ANO1: variants seen among roughly 807,000 people sequenced by gnomAD.
The protein encoded by ANO1 is anoctamin-1.
Under a neutral mutation model 124.0 loss-of-function variants are expected in ANO1, and 59 were observed. The observed-to-expected ratio is 0.48, with a 90% CI of 0.39 to 0.59. ANO1 has a LOEUF of 0.59. Among genes scored for constraint, ANO1 ranks in the 20% least tolerant of loss-of-function variants. The pLI is 0.00. For missense variants in ANO1, 1,059 were observed against 1,328.0 expected, an observed-to-expected ratio of 0.80 and a Z score of 3.15; for synonymous variants, 529 against 532.0, an observed-to-expected ratio of 0.99 and a Z score of 0.08.
chr11:70,085,734 A>C, intron 1 of ANO1: 1 of 1,420,112 alleles, frequency 7.0e-7, no homozygotes, highest in Non-Finnish European at 9.2e-7. Context: ...CTACAACTAA[A>C]AAGGACAGCC....
intron 1 of ANO1, among the ~76,000 whole-genome samples, chr11:70,047,224 A>C (rs892332606): frequency 2.6e-5 from 4 of 152,176 alleles, no homozygotes; most frequent in African/African-American, 9.6e-5. Flanking sequence ...GGATTGGTTC[A>C]TTAATTGTAA....
At chr11:70,155,059 T>A (rs1440881000) in intron 14 of ANO1, among the ~76,000 whole-genome samples, 3 of 152,252 alleles carry the variant, frequency 2.0e-5, no homozygotes, top group Admixed American at 1.3e-4. Context: ...TGAAGATGTC[T>A]CAGGAGTCAG....
chr11:70,152,737 C>T (rs1018942522), intron 13 of ANO1, among the ~76,000 whole-genome samples: 4 of 152,352 alleles, frequency 2.6e-5, no homozygotes, highest in East Asian at 1.9e-4. Flanking sequence ...ACAGCTCCCC[C>T]GTAGAATGTT....
At chr11:70,156,055 T>C (rs2047803968) in intron 15 of ANO1, 67 bp downstream of exon 15, 1 of 1,376,992 alleles carries the variant, frequency 7.3e-7, no homozygotes. Context: ...CGATTGTGTT[T>C]TTCCTCAACA....
intron 1 of ANO1, among the ~76,000 whole-genome samples, chr11:70,050,451 G>A (rs1225842863): frequency 6.6e-6 from 1 of 152,134 alleles, no homozygotes; most frequent in African/African-American, 2.4e-5. Context: ...TCCCCAGGCA[G>A]CTCCCAAGCC....
intron 11 of ANO1, among the ~76,000 whole-genome samples, chr11:70,133,601 C>T (rs112538012): frequency 9.8e-5 from 15 of 152,318 alleles, no homozygotes; most frequent in African/African-American, 3.1e-4. Flanking sequence ...TCTCCAGGCC[C>T]GAGCCCTGTC....
At position 70,038,029 on chromosome 11, in the gene ANO1, G is replaced by A. The variant is rs149787863; in HGVS notation, c.59-40513G>A. ...TGGCCAGTCGCAGTGGCTCATGCCT[G>A]TAATTCCAGCACTTTGGGAGGCTGA... is the stretch of plus-strand genomic sequence containing the variant. On this transcript the variant is annotated intron_variant, in intron 1 of 27. Coordinates refer to the ANO1 transcript ENST00000531349. Among the ~76,000 whole-genome samples the A allele has an allele frequency of 5.4e-3, 818 of 152,318 alleles. 7 individuals carry two copies. The highest frequency in any genetic ancestry group is 0.019 in the African/African-American group (777 of 41,578).
chr11:70,106,521 A>G (rs1193385994), intron 5 of ANO1, among the ~76,000 whole-genome samples: 1 of 152,140 alleles, frequency 6.6e-6, no homozygotes, highest in East Asian at 1.9e-4. Context: ...TGAGACTGGC[A>G]GGCAGCCAGC....
At chr11:70,167,827 A>G (rs985389523) in intron 21 of ANO1, among the ~76,000 whole-genome samples, 1 of 152,058 alleles carries the variant, frequency 6.6e-6, no homozygotes, top group Non-Finnish European at 1.5e-5. Flanking sequence ...AAGCTGCAAG[A>G]TCGTCCTTAC....
chr11:70,149,508 G>C, intron 11 of ANO1: 4 of 541,366 alleles, frequency 7.4e-6, no homozygotes, highest in Non-Finnish European at 1.3e-5. Flanking sequence ...AAGATTAGCT[G>C]GGTGTGGTGG....
intron 1 of ANO1, among the ~76,000 whole-genome samples, chr11:69,987,296 C>T (rs1439631004): frequency 6.6e-6 from 1 of 152,226 alleles, no homozygotes; most frequent in Non-Finnish European, 1.5e-5. Flanking sequence ...ATGATCCGTT[C>T]TGTGATCCAC....
chr11:69,967,917 G>T, the ANO1 span, among the ~76,000 whole-genome samples: 1 of 152,192 alleles, frequency 6.6e-6, no homozygotes. Context: ...TTGGATGAGA[G>T]ATTCCATTTT....
chr11:70,113,397 G>A (rs1040473569), intron 7 of ANO1, among the ~76,000 whole-genome samples: 7 of 152,160 alleles, frequency 4.6e-5, no homozygotes, highest in African/African-American at 1.7e-4. Flanking sequence ...AGGTTTCAAG[G>A]GCAGAGTTCA....
intron 1 of ANO1, among the ~76,000 whole-genome samples, chr11:70,017,004 C>T (rs1555002043): frequency 1.3e-5 from 2 of 152,224 alleles, no homozygotes; most frequent in Admixed American, 6.5e-5. Context: ...GTCTTTCTTC[C>T]CCTCTAGAAT....
chr11:70,026,563 G>T (rs1856912059), intron 1 of ANO1, among the ~76,000 whole-genome samples: 1 of 151,816 alleles, frequency 6.6e-6, no homozygotes, highest in African/African-American at 2.4e-5. Context: ...CAATAATGAT[G>T]ATGACAACAG....
intron 12 of ANO1, 156 bp downstream of exon 12, chr11:70,149,948 C>T: frequency 2.7e-6 from 2 of 752,528 alleles, no homozygotes; most frequent in Non-Finnish European, 2.3e-6. Context: ...CTGCCTGCCT[C>T]GCCACTCAAC....
At chr11:69,985,712 G>A (rs572479710), upstream of ANO1, among the ~76,000 whole-genome samples, 3 of 152,170 alleles carry the variant, frequency 2.0e-5, no homozygotes, top group African/African-American at 2.4e-5. Flanking sequence ...GACGCGCCCC[G>A]CGCAGCGGGA....
intron 1 of ANO1, among the ~76,000 whole-genome samples, chr11:70,054,258 A>C (rs1322123937): frequency 1.3e-5 from 2 of 152,160 alleles, no homozygotes; most frequent in African/African-American, 4.8e-5. Context: ...CTAGATGTTA[A>C]TGGACCCCAG....
In ANO1 at chr11:70,155,974, G is replaced by A; in HGVS notation, c.1489G>A (p.Ala497Thr). Residue 497 changes from alanine (A) to threonine (T), a missense_variant, in exon 15 of 26, where the codon GCG becomes ACG. Ala to Thr is a moderately conservative substitution (Grantham distance 58). Coordinates refer to ENST00000355303, the MANE Select transcript of ANO1 (RefSeq NM_018043.7). ...GAAGCAGAGGGTTAAGACAGCCATGGCGGGGGTGAAATTGGTACTTTTCTA... is the reference window on the plus strand; with the variant it reads ...GAAGCAGAGGGTTAAGACAGCCATGACGGGGGTGAAATTGGTACTTTTCTA... ...KWKQRVKTAM[A>T]GVKLTDKVKL... 7.2e-6 allele frequency: 11 copies of A among 1,527,134 alleles called. No homozygotes were observed. The highest frequency in any genetic ancestry group is 9.7e-6 in the Non-Finnish European group (11 of 1,137,550). 94.6% of individuals were successfully genotyped at this position (1,527,134 alleles called of 1,614,324 possible). A position where few individuals can be genotyped will look rare whatever the true frequency, so the allele number is the denominator to read the frequency against.
Sources: allele counts gnomAD v4.1 joint callset (sites outside exome capture counted in the v4.1 genomes callset), GRCh38; gene constraint gnomAD v4.1.1; transcripts MANE v1.5; gene names NCBI Gene and HGNC (gene_info 2026-07-23, HGNC 2026-07-21).